Variants in CNNM2 observed in about 807,000 individuals in gnomAD.
CNNM2 encodes cyclin and CBS domain divalent metal cation transport mediator 2.
CNNM2 carries 12 observed loss-of-function variants against 66.9 expected under a neutral mutation model. That is an observed-to-expected ratio of 0.18 (90% CI 0.11 to 0.29). The LOEUF (loss-of-function observed/expected upper bound fraction) is 0.29. Ranked by LOEUF, CNNM2 falls within the 10% of genes least tolerant of loss-of-function variation. The pLI is 1.00. For missense variants in CNNM2, 705 were observed against 1,167.7 expected (o/e 0.60, Z 5.77); for synonymous variants, 557 against 501.8 (o/e 1.11, Z -1.47).
intron 1 of CNNM2, among the ~76,000 whole-genome samples, chr10:103,044,190 C>T (rs2065090313): frequency 6.6e-6 from 1 of 152,028 alleles, no homozygotes; most frequent in South Asian, 2.1e-4. Flanking sequence ...TGGGTTTATT[C>T]TTCTATTCGT....
At chr10:103,066,968 C>T (rs1208958005) in intron 4 of CNNM2, among the ~76,000 whole-genome samples, 1 of 152,186 alleles carries the variant, frequency 6.6e-6, no homozygotes, top group Non-Finnish European at 1.5e-5. Context: ...GACTGGTGAA[C>T]TGTCATTTCT....
Position 102,918,308 on chromosome 10 carries a change from C to T in CNNM2, c.-173C>T, listed in dbSNP as rs2134148143. Reference sequence around the variant, plus strand: ...GGCGCTCCTCTCCCTCCCTCTTTCCCTCCCGCGAGCCTCGGGGTTCCTCAG... The same window carrying T: ...GGCGCTCCTCTCCCTCCCTCTTTCCTTCCCGCGAGCCTCGGGGTTCCTCAG... On this transcript the variant is annotated 5_prime_UTR_variant, in exon 1 of 8. Transcript: ENST00000369878. The surrounding 1 kb of genome is among the most constrained non-coding windows in gnomAD (Gnocchi z 4.1). 1 of 1,175,320 alleles carries T rather than the reference C, an allele frequency of 8.5e-7. No homozygotes were observed. The highest frequency in any genetic ancestry group is 1.1e-6 in the Non-Finnish European group (1 of 878,278). The allele number at this position is 1,175,320 out of a possible 1,614,324, so 72.8% of individuals were successfully genotyped here. A position where few individuals can be genotyped will look rare whatever the true frequency, so the allele number is the denominator to read the frequency against.
intron 1 of CNNM2, among the ~76,000 whole-genome samples, chr10:102,957,797 CTGG>C (rs1174678550): frequency 1.3e-5 from 2 of 152,148 alleles, no homozygotes; most frequent in Non-Finnish European, 2.9e-5. Context: ...CTATGTTAGG[CTGG>C]TAGATCGCTT....
intron 4 of CNNM2, among the ~76,000 whole-genome samples, chr10:103,065,650 A>G (rs563224797): frequency 6.6e-6 from 1 of 152,306 alleles, no homozygotes; most frequent in African/African-American, 2.4e-5. Context: ...GGAGACACCC[A>G]GGAACGGAAG....
chr10:103,056,998 A>G (rs1590474754), intron 4 of CNNM2, 34 bp downstream of exon 4: 1 of 1,585,404 alleles, frequency 6.3e-7, no homozygotes, highest in Non-Finnish European at 8.6e-7. Flanking sequence ...GTTTGCTCTC[A>G]CTGAGTATCC....
rs1429424511 is a variant in CNNM2, at chr10:103,085,860, TTGTG to T, written c.*8685_*8688del. The T allele has an allele frequency of 3.3e-5, 5 of 152,138 alleles. No individual in the cohort carries two copies. Among genetic ancestry groups the T allele is most frequent in the African/African-American group, 9.7e-5 (4 of 41,434 alleles). 9.4% of individuals were successfully genotyped at this position (152,138 alleles called of 1,614,324 possible). On this transcript the variant is annotated 3_prime_UTR_variant, in exon 8 of 8. Coordinates refer to ENST00000369878, the MANE Select transcript of CNNM2 (RefSeq NM_017649.5). The stretch of plus-strand genomic sequence containing the variant: ...CTGTTGTGGCCTTGGGATGAAGACA[TTGTG>T]TGTGAGGACAGGGAAAAATGGTTGA...
intron 4 of CNNM2, among the ~76,000 whole-genome samples, chr10:103,063,243 G>A (rs1415232953): frequency 6.6e-6 from 1 of 152,130 alleles, no homozygotes; most frequent in Non-Finnish European, 1.5e-5. Context: ...GAGTGTCGGG[G>A]CACCAGGTCT....
chr10:102,986,924 T>C (rs2063808205), intron 1 of CNNM2, among the ~76,000 whole-genome samples: 1 of 152,092 alleles, frequency 6.6e-6, no homozygotes, highest in Non-Finnish European at 1.5e-5. Context: ...GATTTGCTAA[T>C]AGTGAGATAT....
At chr10:102,995,886 G>A (rs1049096431) in intron 1 of CNNM2, among the ~76,000 whole-genome samples, 1 of 152,094 alleles carries the variant, frequency 6.6e-6, no homozygotes, top group African/African-American at 2.4e-5. Flanking sequence ...TTTTAGTAGA[G>A]ATGGGGTTTC....
At chr10:102,924,733 G>T (rs1845790127) in intron 1 of CNNM2, among the ~76,000 whole-genome samples, 1 of 151,890 alleles carries the variant, frequency 6.6e-6, no homozygotes. Flanking sequence ...GCCTTCCAAG[G>T]TGCTGGGATT....
intron 4 of CNNM2, among the ~76,000 whole-genome samples, chr10:103,057,533 A>G (rs890462794): frequency 5.9e-5 from 9 of 152,080 alleles, no homozygotes; most frequent in Non-Finnish European, 1.0e-4. Context: ...GGTGAATTCA[A>G]TTGTTAGTAT....
intron 1 of CNNM2, among the ~76,000 whole-genome samples, chr10:102,974,313 T>C (rs1160389692): frequency 6.6e-6 from 1 of 152,232 alleles, no homozygotes; most frequent in East Asian, 1.9e-4. Context: ...CAGTCATGTT[T>C]TTGTCAAACT....
chr10:102,962,785 A>G (rs1363907821), intron 1 of CNNM2, among the ~76,000 whole-genome samples: 1 of 151,676 alleles, frequency 6.6e-6, no homozygotes, highest in African/African-American at 2.4e-5. Context: ...AATTTTTAAA[A>G]GACTAAGGAG....
At chr10:102,945,642 C>G (rs1237644412) in intron 1 of CNNM2, among the ~76,000 whole-genome samples, 2 of 152,054 alleles carry the variant, frequency 1.3e-5, no homozygotes, top group Non-Finnish European at 2.9e-5. Context: ...CTGTGCTTCC[C>G]TTTGGCTTGT....
chr10:103,063,381 G>T lies in CNNM2; in HGVS notation c.2074-5248G>T, dbSNP rs2065421507. 2.6e-5 allele frequency among the ~76,000 whole-genome samples: 4 copies of T among 152,256 alleles called. No individual in the cohort carries two copies. The South Asian group carries it at 8.3e-4, about 32-fold the overall frequency. On this transcript the variant is annotated intron_variant, in intron 4 of 7. Coordinates refer to ENST00000369878, the MANE Select transcript of CNNM2 (RefSeq NM_017649.5). ...CAGGCCCCCCTGAATACTTTGTGATGGCGATTTAAAAAACAAGAAGGTGAG... is the reference window on the plus strand; with the variant it reads ...CAGGCCCCCCTGAATACTTTGTGATTGCGATTTAAAAAACAAGAAGGTGAG...
Position 103,081,989 on chromosome 10 carries a change from A to C in CNNM2, c.*4809A>C, listed in dbSNP as rs533455086. 1.3e-5 allele frequency: 2 copies of C among 152,316 alleles called. No homozygotes were observed. Among genetic ancestry groups the C allele is most frequent in the Admixed American group, 6.5e-5 (1 of 15,298 alleles). 9.4% of individuals were successfully genotyped at this position (152,316 alleles called of 1,614,324 possible). ...CATCATCTCTACTAGAATTGTTTTA[A>C]ATATCTTTTGATGGGAAATACCAGG... On this transcript the variant is annotated 3_prime_UTR_variant, in exon 8 of 8. Coordinates refer to ENST00000369878, the MANE Select transcript of CNNM2 (RefSeq NM_017649.5).
chr10:102,970,948 T>G (rs575490107), intron 1 of CNNM2, among the ~76,000 whole-genome samples: 4 of 151,710 alleles, frequency 2.6e-5, no homozygotes, highest in African/African-American at 9.7e-5. Flanking sequence ...CCCAACACTT[T>G]GGGAGGCCAA....
chr10:103,033,881 A>G (rs1307582294), intron 1 of CNNM2, among the ~76,000 whole-genome samples: 3 of 152,224 alleles, frequency 2.0e-5, no homozygotes, highest in Admixed American at 1.3e-4. Context: ...ACTGGGTTTT[A>G]AAAGTTGTTT....
intron 1 of CNNM2, among the ~76,000 whole-genome samples, chr10:102,948,601 AG>A (rs1846706587): frequency 6.6e-6 from 1 of 152,214 alleles, no homozygotes; most frequent in South Asian, 2.1e-4. Flanking sequence ...GGCCACACTA[AG>A]GGTTCCAGGA....
Sources: allele counts gnomAD v4.1 joint callset (sites outside exome capture counted in the v4.1 genomes callset), GRCh38; gene constraint gnomAD v4.1.1; non-coding constraint Gnocchi (gnomAD v3.1); transcripts MANE v1.5; gene names NCBI Gene and HGNC (gene_info 2026-07-23, HGNC 2026-07-21).